Variants in REV3L observed in about 807,000 individuals in gnomAD.
REV3L encodes REV3 like, DNA directed polymerase zeta catalytic subunit, also known as DNA polymerase zeta catalytic subunit.
REV3L carries 69 observed loss-of-function variants against 299.4 expected under a neutral mutation model. The ratio of observed to expected loss-of-function variants is 0.23; its 90% CI spans 0.19 to 0.28. REV3L has a LOEUF of 0.28. Among genes scored for constraint, REV3L ranks in the 10% least tolerant of loss-of-function variants. The probability of loss-of-function intolerance (pLI) is 1.00; values close to 1 mark genes in which losing one functional copy is unlikely to be tolerated. For missense variants in REV3L, 3,128 were observed against 3,693.8 expected, an observed-to-expected ratio of 0.85 and a Z score of 3.97; for synonymous variants, 1,238 against 1,271.4, an observed-to-expected ratio of 0.97 and a Z score of 0.56.
chr6:111,366,339 C>T (rs1779208741), intron 14 of REV3L, among the ~76,000 whole-genome samples: 1 of 152,038 alleles, frequency 6.6e-6, no homozygotes, highest in Non-Finnish European at 1.5e-5. Context: ...GAGATCTGAA[C>T]TGGGAATATA....
chr6:111,411,673 C>T, intron 2 of REV3L, 119 bp from the exon 3 acceptor site: 1 of 666,374 alleles, frequency 1.5e-6, no homozygotes, highest in South Asian at 2.4e-5. Flanking sequence ...ATATTATCCA[C>T]CCCCCAAAAA....
chr6:111,429,062 G>C (rs989259073), intron 1 of REV3L, among the ~76,000 whole-genome samples: 4 of 152,150 alleles, frequency 2.6e-5, no homozygotes, highest in African/African-American at 9.7e-5. Context: ...TAAAGGCCAG[G>C]AAAGAGTGGA....
chr6:111,353,456 T>C (rs1777779010), intron 18 of REV3L, among the ~76,000 whole-genome samples: 1 of 152,202 alleles, frequency 6.6e-6, no homozygotes, highest in Non-Finnish European at 1.5e-5. Context: ...CTTTTAAATT[T>C]TCCTATTCCC....
chr6:111,359,349 T>C (rs989395525), intron 16 of REV3L, among the ~76,000 whole-genome samples: 1 of 152,008 alleles, frequency 6.6e-6, no homozygotes, highest in Non-Finnish European at 1.5e-5. Flanking sequence ...GTCTGTCACG[T>C]TTTACTCTTC....
At chr6:111,416,913 A>G (rs953679401) in intron 1 of REV3L, among the ~76,000 whole-genome samples, 2 of 152,192 alleles carry the variant, frequency 1.3e-5, no homozygotes, top group African/African-American at 4.8e-5. Context: ...AAAGAGAGGC[A>G]GCTCTGGGAG....
In REV3L at chr6:111,349,245, T is replaced by A; in HGVS notation, c.7392A>T (p.Leu2464=). The change falls in exon 20 of 32, where the codon CTA becomes CTT. Residue 2464 remains leucine, a synonymous_variant. Transcript: ENST00000368802. ...SEINIVGRIT[L]NLWRIMRNEV... ...CATTTCTCATGATTCTCCAAAGATTTAGTGTAATTCGGCCAACAATATTTA... is the reference window on the plus strand; with the variant it reads ...CATTTCTCATGATTCTCCAAAGATTAAGTGTAATTCGGCCAACAATATTTA... 1 of 1,588,490 alleles carries A rather than the reference T, an allele frequency of 6.3e-7. No individual in the cohort carries two copies.
chr6:111,406,388 CTGT>C (rs1783630355), intron 3 of REV3L, among the ~76,000 whole-genome samples: 1 of 152,110 alleles, frequency 6.6e-6, no homozygotes, highest in Admixed American at 6.5e-5. Flanking sequence ...CATGAAGAGC[CTGT>C]TAAGACATTT....
At position 111,333,273 on chromosome 6, in the gene REV3L, G is replaced by T; in HGVS notation, c.7775C>A (p.Pro2592Gln). 6.2e-7 allele frequency: 1 copy of T among 1,614,054 alleles called. No homozygotes were observed. Among genetic ancestry groups the T allele is most frequent in the Non-Finnish European group, 8.5e-7 (1 of 1,179,990 alleles). The change falls in exon 23 of 32, where the codon CCA becomes CAA. Residue 2592 changes from proline (P) to glutamine (Q), a missense_variant. By Grantham distance (76) the Pro-to-Gln change is moderately conservative. Transcript: ENST00000368802. ...CTCCATAATTAGAGGAACACACTGT[G>T]GGGCTCTCATCTGGGATCTTTGCTG... ...SVQQRSQMRAPQCVPLIMEPE... is the reference protein window; with the variant it reads ...SVQQRSQMRAQQCVPLIMEPE...
Position 111,380,056 on chromosome 6 carries a change from T to C in REV3L, c.1380A>G (p.Lys460=), listed in dbSNP as rs1780670537. 6.2e-7 allele frequency: 1 copy of C among 1,614,094 alleles called. No individual in the cohort carries two copies. The highest frequency in any genetic ancestry group is 1.3e-5 in the African/African-American group (1 of 75,048). The change falls in exon 11 of 32, where the codon AAA becomes AAG. Residue 460 remains lysine, a synonymous_variant. Coordinates refer to ENST00000368802, the MANE Select transcript of REV3L (RefSeq NM_001372078.1). The stretch of plus-strand genomic sequence containing the variant: ...TCACCAAACTAAGCTCCATTTCCTC[T>C]TTTTCAATCTGTGGTTCATTTTCTT... ...DDEENEPQIE[K]EEMELSLVMS...
chr6:111,441,222 T>C (rs1788227053), intron 1 of REV3L, among the ~76,000 whole-genome samples: 2 of 152,176 alleles, frequency 1.3e-5, no homozygotes, highest in African/African-American at 4.8e-5. Context: ...GCCTCTATTA[T>C]CCATCTGTTC....
At chr6:111,328,876 C>G (rs532516219) in intron 25 of REV3L, among the ~76,000 whole-genome samples, 6 of 152,080 alleles carry the variant, frequency 3.9e-5, no homozygotes, top group Non-Finnish European at 8.8e-5. Context: ...AGTGATCCTC[C>G]CATCTCAGCT....
chr6:111,363,486 T>C (rs1040112497), intron 16 of REV3L, among the ~76,000 whole-genome samples: 2 of 152,058 alleles, frequency 1.3e-5, no homozygotes, highest in African/African-American at 4.8e-5. Context: ...TATTTTTATT[T>C]TTTGGTAGAG....
chr6:111,397,338 A>C (rs1782622891), intron 4 of REV3L, among the ~76,000 whole-genome samples: 1 of 151,988 alleles, frequency 6.6e-6, no homozygotes, highest in South Asian at 2.1e-4. Flanking sequence ...GAAATTTTTA[A>C]ATTTCCTTCT....
At chr6:111,415,439 C>T (rs6937734) in intron 2 of REV3L, among the ~76,000 whole-genome samples, 105,646 of 151,978 alleles carry the variant, frequency 0.7, 38,166 homozygotes, top group Non-Finnish European at 0.81. Context: ...GAGTGACAGA[C>T]TGGAATTGAG....
intron 16 of REV3L, among the ~76,000 whole-genome samples, chr6:111,363,494 G>T (rs1213989700): frequency 6.6e-6 from 1 of 151,898 alleles, no homozygotes; most frequent in Non-Finnish European, 1.5e-5. Flanking sequence ...TTTTTTGGTA[G>T]AGACAGGGTC....
At chr6:111,411,767 AT>A (rs774510392) in intron 2 of REV3L, among the ~76,000 whole-genome samples, 20 of 152,182 alleles carry the variant, frequency 1.3e-4, no homozygotes, top group Non-Finnish European at 1.5e-4. Context: ...AGTGTAAAAA[AT>A]ATCACTTTCT....
chr6:111,427,766 TG>T (rs1366441320), intron 1 of REV3L, among the ~76,000 whole-genome samples: 2 of 152,114 alleles, frequency 1.3e-5, no homozygotes, highest in East Asian at 1.9e-4. Context: ...TCCTAATAAC[TG>T]GGAGCAGTGG....
At chr6:111,476,981 A>T (rs188210522) in intron 1 of REV3L, among the ~76,000 whole-genome samples, 270 of 152,330 alleles carry the variant, frequency 1.8e-3, no homozygotes, top group East Asian at 9.6e-4. Context: ...AAATCTGAAA[A>T]TATAAAACAT....
chr6:111,447,136 G>GA (rs1451395826), intron 1 of REV3L, among the ~76,000 whole-genome samples: 5 of 152,088 alleles, frequency 3.3e-5, no homozygotes, highest in East Asian at 1.9e-4. Context: ...CATACTGAAG[G>GA]AAAAAAATCT....
Sources: allele counts gnomAD v4.1 joint callset (sites outside exome capture counted in the v4.1 genomes callset), GRCh38; gene constraint gnomAD v4.1.1; transcripts MANE v1.5; gene names NCBI Gene and HGNC (gene_info 2026-07-23, HGNC 2026-07-21).